MIER3: variants seen among roughly 807,000 people sequenced by gnomAD.
The protein encoded by MIER3 is mesoderm induction early response protein 3.
A neutral mutation model predicts 63.2 loss-of-function variants in MIER3; 9 were observed. That is an observed-to-expected ratio of 0.14 (90% CI 0.09 to 0.25). The LOEUF (loss-of-function observed/expected upper bound fraction) is 0.25. Ranked by LOEUF, MIER3 falls within the 10% of genes least tolerant of loss-of-function variation. The pLI, the probability that MIER3 is intolerant of heterozygous loss-of-function variation, is 1.00. For missense variants in MIER3, 512 were observed against 666.2 expected (o/e 0.77, Z 2.55); for synonymous variants, 205 against 224.9 (o/e 0.91, Z 0.79).
intron 9 of MIER3, 169 bp from the exon 10 acceptor site, chr5:56,929,030 A>C: frequency 2.1e-6 from 1 of 483,654 alleles, no homozygotes; most frequent in Non-Finnish European, 3.6e-6. Flanking sequence ...CTCTCTCTGT[A>C]TGCAGGAGAT....
intron 5 of MIER3, 127 bp downstream of exon 5, chr5:56,937,450 AT>A (rs377703641): frequency 1.1e-6 from 1 of 920,532 alleles, no homozygotes; most frequent in East Asian, 3.0e-5. Flanking sequence ...TGTTTAAATT[AT>A]AGAAGTATTT....
chr5:56,950,189 T>A (rs1750969949), intron 2 of MIER3, among the ~76,000 whole-genome samples: 1 of 152,204 alleles, frequency 6.6e-6, no homozygotes. Flanking sequence ...CATAGACATT[T>A]AATTATGAAA....
rs538633174 is a variant in MIER3, at chr5:56,923,625, T to C, written c.1196-40A>G. 7.3e-5 allele frequency: 117 copies of C among 1,612,868 alleles called. 2 individuals carry two copies. In the South Asian group the frequency reaches 1.3e-3, roughly 17 times the overall value. On this transcript the variant is annotated intron_variant, in intron 12 of 12. Transcript: ENST00000381199. Reference sequence around the variant, plus strand: ...AAAATTGTTTAAGTAAGTGGTCCTATGACATCAAACAGAGGACACAATTTT... The same window carrying C: ...AAAATTGTTTAAGTAAGTGGTCCTACGACATCAAACAGAGGACACAATTTT...
rs568210592 is a variant in MIER3 at position 56,949,368 on chromosome 5, C to T, written c.34+1260G>A. ...CAAACAAACAAAAAACAAAAAGAGGCTAATTGATTAAAAACAGGTTACACT... is the reference window on the plus strand; with the variant it reads ...CAAACAAACAAAAAACAAAAAGAGGTTAATTGATTAAAAACAGGTTACACT... On this transcript the variant is annotated intron_variant, in intron 2 of 12. Transcript: ENST00000381199. Among the ~76,000 whole-genome samples, 34 of 152,212 alleles carry T rather than the reference C, an allele frequency of 2.2e-4. 1 individual carries two copies. The highest frequency in any genetic ancestry group is 2.0e-3 in the Admixed American group (31 of 15,284).
In MIER3 at chr5:56,952,098, G is replaced by C. The variant is rs1486822399; in HGVS notation, c.5C>G (p.Ala2Gly). The stretch of plus-strand genomic sequence containing the variant: ...CTGCCCGGTTTCCCTGCTCACCTCC[G>C]CCATATTGGTACCTTTAGGGCGAAC... M[A>G]EASFGSSSPV... Residue 2 changes from alanine (A) to glycine (G), a missense_variant, in exon 1 of 13, where the codon GCG becomes GGG. Coordinates refer to ENST00000381199, the MANE Select transcript of MIER3 (RefSeq NM_001297599.2). The C allele has an allele frequency of 7.7e-7, 1 of 1,306,818 alleles. No homozygotes were observed. The highest frequency in any genetic ancestry group is 9.9e-7 in the Non-Finnish European group (1 of 1,009,976). The allele number at this position is 1,306,818 out of a possible 1,614,324, so 81.0% of individuals were successfully genotyped here. A position where few individuals can be genotyped will look rare whatever the true frequency, so the allele number is the denominator to read the frequency against.
chr5:56,951,815 C>G (rs567993779), intron 1 of MIER3, among the ~76,000 whole-genome samples: 2 of 151,422 alleles, frequency 1.3e-5, no homozygotes, highest in South Asian at 2.1e-4. Context: ...GCAGGGCTCA[C>G]TGCAGCCGGC....
intron 8 of MIER3, among the ~76,000 whole-genome samples, chr5:56,931,233 G>A (rs1269110680): frequency 2.0e-5 from 3 of 152,124 alleles, no homozygotes; most frequent in Non-Finnish European, 2.9e-5. Context: ...TATGAAAGGT[G>A]CCACTTTTCA....
At chr5:56,943,681 G>A (rs1561244336) in intron 3 of MIER3, among the ~76,000 whole-genome samples, 1 of 152,200 alleles carries the variant, frequency 6.6e-6, no homozygotes, top group Non-Finnish European at 1.5e-5. Context: ...AGTCTCTGAA[G>A]CACTTCACAA....
chr5:56,928,965 T>TCA (rs1750139497), intron 9 of MIER3, 104 bp from the exon 10 acceptor site: 5 of 430,530 alleles, frequency 1.2e-5, no homozygotes, highest in Admixed American at 3.1e-5. Flanking sequence ...ACTCTCTCTC[T>TCA]CTCTCACACA....
In MIER3 at chr5:56,933,143, C is replaced by T. The variant is rs1750329732; in HGVS notation, c.747+104G>A. The T allele has an allele frequency of 3.2e-6, 4 of 1,233,372 alleles. No homozygotes were observed. The East Asian group carries it at 8.1e-5, about 25-fold the overall frequency. The allele number at this position is 1,233,372 out of a possible 1,614,324, so 76.4% of individuals were successfully genotyped here. On this transcript the variant is annotated intron_variant, in intron 8 of 12. Coordinates refer to ENST00000381199, the MANE Select transcript of MIER3 (RefSeq NM_001297599.2). Reference sequence around the variant, plus strand: ...ATTTTGCATATTTTAAAACTCTTATCAGAAAAGATATCTACCTCACATGTT... The same window carrying T: ...ATTTTGCATATTTTAAAACTCTTATTAGAAAAGATATCTACCTCACATGTT...
At chr5:56,951,948 C>T in intron 1 of MIER3, 146 bp downstream of exon 1, 1 of 627,098 alleles carries the variant, frequency 1.6e-6, no homozygotes, top group Non-Finnish European at 2.1e-6. Context: ...CACGGCCAGT[C>T]GCCGCCCCGC....
intron 1 of MIER3, among the ~76,000 whole-genome samples, chr5:56,951,291 GC>G (rs1751017735): frequency 1.3e-5 from 2 of 151,790 alleles, no homozygotes; most frequent in Admixed American, 1.3e-4. Context: ...CCGTCAGCGC[GC>G]CCCCCGCCCC....
chr5:56,951,838 C>A (rs1179798807), intron 1 of MIER3, among the ~76,000 whole-genome samples: 1 of 151,292 alleles, frequency 6.6e-6, no homozygotes, highest in African/African-American at 2.4e-5. Flanking sequence ...CCACCTCCGT[C>A]CGGCTCGGTC....
At position 56,922,805 on chromosome 5, in the gene MIER3, A is replaced by G. The variant is rs1749735643; in HGVS notation, c.*323T>C. On this transcript the variant is annotated 3_prime_UTR_variant, in exon 13 of 13. Coordinates refer to ENST00000381199, the MANE Select transcript of MIER3 (RefSeq NM_001297599.2). ...TCTACAGGTTTTAAAATTGGGAGTG[A>G]GGGCAGTGGGGAACACAAAAGAATA... 2 of 277,964 alleles carry G rather than the reference A, an allele frequency of 7.2e-6. No homozygotes were observed. Among genetic ancestry groups the G allele is most frequent in the African/African-American group, 2.2e-5 (1 of 46,448 alleles). 17.2% of individuals were successfully genotyped at this position (277,964 alleles called of 1,614,324 possible). A position where few individuals can be genotyped will look rare whatever the true frequency, so the allele number is the denominator to read the frequency against.
At chr5:56,925,968 C>G (rs963685309) in intron 10 of MIER3, among the ~76,000 whole-genome samples, 1 of 151,832 alleles carries the variant, frequency 6.6e-6, no homozygotes, top group African/African-American at 2.4e-5. Context: ...TGATCTTTAA[C>G]CAAAGAACAA....
intron 10 of MIER3, chr5:56,925,496 A>G (rs1475677292): frequency 7.1e-6 from 2 of 282,714 alleles, no homozygotes; most frequent in Non-Finnish European, 1.4e-5. Flanking sequence ...TTAAAACACA[A>G]GACCATTTAC....
chr5:56,946,832 A>G, intron 3 of MIER3, 94 bp downstream of exon 3: 1 of 983,000 alleles, frequency 1.0e-6, no homozygotes, highest in Non-Finnish European at 1.4e-6. Flanking sequence ...AAAAAGGATT[A>G]TGATCCTATT....
Position 56,938,877 on chromosome 5 carries a change from A to C in MIER3, c.315+6T>G. 6.2e-7 allele frequency: 1 copy of C among 1,611,984 alleles called. No individual in the cohort carries two copies. The highest frequency in any genetic ancestry group is 8.5e-7 in the Non-Finnish European group (1 of 1,178,636). Reference sequence around the variant, plus strand: ...CTGAATTTTTCTTTCAAATGCTCACACTTACTTTGTCTAGTGTCATGTCTG... The same window carrying C: ...CTGAATTTTTCTTTCAAATGCTCACCCTTACTTTGTCTAGTGTCATGTCTG... On this transcript the variant is annotated splice_donor_region_variant and intron_variant, in intron 4 of 12. Transcript: ENST00000381199.
chr5:56,950,243 T>C (rs111451523), intron 2 of MIER3, among the ~76,000 whole-genome samples: 1 of 152,306 alleles, frequency 6.6e-6, no homozygotes, highest in African/African-American at 2.4e-5. Context: ...GTTAGTGAAG[T>C]AGTCCCAGAG....
Sources: allele counts gnomAD v4.1 joint callset (sites outside exome capture counted in the v4.1 genomes callset), GRCh38; gene constraint gnomAD v4.1.1; transcripts MANE v1.5; gene names NCBI Gene and HGNC (gene_info 2026-07-23, HGNC 2026-07-21).